The following CCSER1 variants were observed in gnomAD, a reference collection of about 807,000 sequenced individuals.
CCSER1 encodes serine-rich coiled-coil domain-containing protein 1.
In CCSER1, 41 loss-of-function variants were observed where a neutral mutation model predicts 82.0. The observed-to-expected ratio is 0.50, with a 90% CI of 0.39 to 0.65. CCSER1 has a LOEUF of 0.65. Among genes scored for constraint, CCSER1 ranks in the 30% least tolerant of loss-of-function variants. CCSER1 has a pLI of 0.00. For synonymous variants in CCSER1, 414 were observed against 383.9 expected (o/e 1.08, Z -0.92); for missense variants, 1,119 against 1,064.2 (o/e 1.05, Z -0.72).
At chr4:90,688,008 GCTCGATATTCATAAA>G (rs1400033347) in intron 6 of CCSER1, among the ~76,000 whole-genome samples, 2 of 152,062 alleles carry the variant, frequency 1.3e-5, no homozygotes, top group Non-Finnish European at 2.9e-5. Context: ...AACCAGAAAA[GCTCGATATTCATAAA>G]CATTTCTTTA....
At position 91,599,244 on chromosome 4, in the gene CCSER1, G is replaced by C. The variant is rs1764725058; in HGVS notation, c.*187G>C. On this transcript the variant is annotated 3_prime_UTR_variant, in exon 11 of 11. Transcript: ENST00000509176. ...TTTTTTTTTCCAAGAGTGAAAGTTT[G>C]AGCATGTTAATTGAACTAGGTTGCA... is the stretch of plus-strand genomic sequence containing the variant. 18 of 667,024 alleles carry C rather than the reference G, an allele frequency of 2.7e-5. No individual in the cohort carries two copies. In the South Asian group the frequency reaches 4.8e-4, roughly 18 times the overall value. The allele number at this position is 667,024 out of a possible 1,614,324, so 41.3% of individuals were successfully genotyped here.
At chr4:90,182,627 T>C (rs568302971) in intron 1 of CCSER1, among the ~76,000 whole-genome samples, 1 of 152,268 alleles carries the variant, frequency 6.6e-6, no homozygotes, top group East Asian at 1.9e-4. Flanking sequence ...ATTTAGGCAA[T>C]TGCAGATAAT....
chr4:90,932,917 A>AGAAAGAAAGAAAG lies in CCSER1; in HGVS notation c.2172+9471_2172+9483dup, dbSNP rs1730074366. Among the ~76,000 whole-genome samples the AGAAAGAAAGAAAG allele has an allele frequency of 1.3e-4, 2 of 15,820 alleles. 1 individual carries two copies. Among genetic ancestry groups the AGAAAGAAAGAAAG allele is most frequent in the African/African-American group, 1.2e-3 (2 of 1,704 alleles). 10.4% of individuals were successfully genotyped at this position (15,820 alleles called of 152,430 possible). On this transcript the variant is annotated intron_variant, in intron 9 of 10. Coordinates refer to ENST00000509176, the MANE Select transcript of CCSER1 (RefSeq NM_001145065.2). ...AGGAAGGAGAAAGAAGGAGAAAGAAAGAAAGAAAGAAAGAAAGAAAGAAAG... is the reference window on the plus strand; with the variant it reads ...AGGAAGGAGAAAGAAGGAGAAAGAAAGAAAGAAAGAAAGGAAAGAAAGAAAGAAAGAAAGAAAG...
chr4:91,573,321 A>T (rs545542881), intron 10 of CCSER1, among the ~76,000 whole-genome samples: 1 of 152,266 alleles, frequency 6.6e-6, no homozygotes, highest in South Asian at 2.1e-4. Context: ...ATCTTGTGAG[A>T]CACCAAGGAA....
chr4:91,582,223 G>A (rs184321087), intron 10 of CCSER1, among the ~76,000 whole-genome samples: 89 of 151,608 alleles, frequency 5.9e-4, no homozygotes, highest in Admixed American at 2.4e-3. Flanking sequence ...AGAAGTTTGT[G>A]CAGAAACCAC....
At chr4:90,893,947 A>G (rs1723331545) in intron 8 of CCSER1, among the ~76,000 whole-genome samples, 1 of 151,936 alleles carries the variant, frequency 6.6e-6, no homozygotes, top group African/African-American at 2.4e-5. Context: ...CACTGACTTT[A>G]TAGCTAGATA....
intron 10 of CCSER1, among the ~76,000 whole-genome samples, chr4:91,161,238 C>T (rs928426282): frequency 1.3e-5 from 2 of 151,940 alleles, no homozygotes; most frequent in African/African-American, 2.4e-5. Flanking sequence ...TTTCCAAGGC[C>T]TCTGTTTAGT....
At chr4:90,955,112 A>G (rs1035748809) in intron 9 of CCSER1, among the ~76,000 whole-genome samples, 1 of 152,126 alleles carries the variant, frequency 6.6e-6, no homozygotes, top group Non-Finnish European at 1.5e-5. Flanking sequence ...TGTTCTATGT[A>G]TTTATTCTGT....
intron 5 of CCSER1, among the ~76,000 whole-genome samples, chr4:90,493,131 A>T (rs888290114): frequency 1.2e-4 from 18 of 152,226 alleles, no homozygotes; most frequent in African/African-American, 4.3e-4. Flanking sequence ...AAGCTTCAGT[A>T]GCCGATTCCA....
chr4:91,180,205 T>C (rs1560497471), intron 10 of CCSER1, among the ~76,000 whole-genome samples: 1 of 152,156 alleles, frequency 6.6e-6, no homozygotes, highest in African/African-American at 2.4e-5. Flanking sequence ...CTGTATGAGG[T>C]GTCAGTCAGC....
chr4:90,216,915 A>G (rs1741139058), intron 1 of CCSER1, among the ~76,000 whole-genome samples: 1 of 152,178 alleles, frequency 6.6e-6, no homozygotes, highest in Admixed American at 6.5e-5. Context: ...CCGACCCTTG[A>G]ACATGGGATG....
At chr4:91,374,684 T>C (rs1434953867) in intron 10 of CCSER1, among the ~76,000 whole-genome samples, 1 of 152,206 alleles carries the variant, frequency 6.6e-6, no homozygotes, top group Non-Finnish European at 1.5e-5. Flanking sequence ...ATTTTGACTT[T>C]CAAGTTTTGT....
chr4:90,903,863 G>A (rs1438457295), intron 8 of CCSER1, among the ~76,000 whole-genome samples: 2 of 150,290 alleles, frequency 1.3e-5, no homozygotes, highest in Non-Finnish European at 3.0e-5. Flanking sequence ...AGGTAAGACA[G>A]GTAAACATAG....
At chr4:91,404,328 A>G (rs1406349932) in intron 10 of CCSER1, among the ~76,000 whole-genome samples, 2 of 151,524 alleles carry the variant, frequency 1.3e-5, no homozygotes, top group African/African-American at 4.9e-5. Flanking sequence ...AATTTTGTTG[A>G]TGTTTTCAAA....
chr4:91,068,169 T>C (rs1721040614), intron 9 of CCSER1, among the ~76,000 whole-genome samples: 1 of 152,226 alleles, frequency 6.6e-6, no homozygotes, highest in Admixed American at 6.5e-5. Context: ...CATTCTCTTC[T>C]CAATGTTCAT....
chr4:91,380,666 A>G (rs1358361269), intron 10 of CCSER1, among the ~76,000 whole-genome samples: 1 of 152,142 alleles, frequency 6.6e-6, no homozygotes, highest in Non-Finnish European at 1.5e-5. Flanking sequence ...GATCTCCTGA[A>G]TACAGCACAC....
chr4:90,795,696 T>C (rs1028653727), intron 7 of CCSER1, among the ~76,000 whole-genome samples: 2 of 152,214 alleles, frequency 1.3e-5, no homozygotes, highest in African/African-American at 4.8e-5. Flanking sequence ...CAAAAGTTTT[T>C]AACATGAAAG....
chr4:91,046,607 G>C (rs1209093005), intron 9 of CCSER1, among the ~76,000 whole-genome samples: 1 of 152,146 alleles, frequency 6.6e-6, no homozygotes, highest in African/African-American at 2.4e-5. Flanking sequence ...GGATGAACCA[G>C]ATCTCTTTCA....
intron 10 of CCSER1, among the ~76,000 whole-genome samples, chr4:91,483,829 C>T (rs938992299): frequency 2.0e-5 from 3 of 151,966 alleles, no homozygotes. Flanking sequence ...TCTAACAATG[C>T]GAACTTCATG....
Sources: allele counts gnomAD v4.1 joint callset (sites outside exome capture counted in the v4.1 genomes callset), GRCh38; gene constraint gnomAD v4.1.1; transcripts MANE v1.5; gene names NCBI Gene and HGNC (gene_info 2026-07-23, HGNC 2026-07-21).